PDE8B: variants seen among roughly 807,000 people sequenced by gnomAD.
The protein encoded by PDE8B is high affinity cAMP-specific and IBMX-insensitive 3',5'-cyclic phosphodiesterase 8B.
In PDE8B, 26 loss-of-function variants were observed where a neutral mutation model predicts 101.3. The ratio of observed to expected loss-of-function variants is 0.26; its 90% CI spans 0.19 to 0.36. The LOEUF (loss-of-function observed/expected upper bound fraction) is 0.36, where lower values mean the gene tolerates loss of function less well. PDE8B is among the 10% of genes least tolerant of loss of function. The pLI, the probability that PDE8B is intolerant of heterozygous loss-of-function variation, is 1.00. For missense variants in PDE8B, 810 were observed against 1,163.1 expected, an observed-to-expected ratio of 0.70 and a Z score of 4.42; for synonymous variants, 424 against 429.3, an observed-to-expected ratio of 0.99 and a Z score of 0.15.
the PDE8B span, among the ~76,000 whole-genome samples, chr5:77,110,798 C>T: frequency 6.6e-6 from 1 of 152,204 alleles, no homozygotes; most frequent in Non-Finnish European, 1.5e-5. Flanking sequence ...TGATCCCCTT[C>T]CACTAGGCCA....
the PDE8B span, among the ~76,000 whole-genome samples, chr5:77,162,872 C>T: frequency 1.3e-5 from 2 of 152,080 alleles, no homozygotes; most frequent in African/African-American, 2.4e-5. Context: ...CTGTAGGTGG[C>T]CCCCAAATAA....
chr5:77,321,809 T>C (rs1359071241), intron 2 of PDE8B, among the ~76,000 whole-genome samples: 1 of 152,224 alleles, frequency 6.6e-6, no homozygotes, highest in African/African-American at 2.4e-5. Context: ...CTCTCCTGAG[T>C]GCCTTACCAT....
the PDE8B span, among the ~76,000 whole-genome samples, chr5:77,100,965 CTTT>C: frequency 0.22 from 27,007 of 123,766 alleles, 2,964 homozygotes; most frequent in Admixed American, 0.32. Flanking sequence ...ATTTTTTTTC[CTTT>C]TTTTTTTTTT....
chr5:77,245,628 G>A (rs1334655446), intron 1 of PDE8B, among the ~76,000 whole-genome samples: 2 of 152,144 alleles, frequency 1.3e-5, no homozygotes, highest in African/African-American at 4.8e-5. Context: ...GCTTGTGTGT[G>A]TGTGCACATG....
intron 5 of PDE8B, among the ~76,000 whole-genome samples, chr5:77,335,807 T>A (rs747891477): frequency 7.2e-5 from 11 of 152,178 alleles, no homozygotes; most frequent in Non-Finnish European, 1.3e-4. Flanking sequence ...GTTTTTTTAA[T>A]CAATTAAAAT....
chr5:77,426,135 T>G, intron 21 of PDE8B: 1 of 600,684 alleles, frequency 1.7e-6, no homozygotes, highest in Non-Finnish European at 3.0e-6. Flanking sequence ...CTCTGCCTCT[T>G]CAAAGGACAC....
chr5:77,210,545 T>C (rs1453706573), upstream of PDE8B: 45 of 834,296 alleles, frequency 5.4e-5, no homozygotes, highest in East Asian at 1.4e-4. The surrounding 1 kb of genome is among the most constrained non-coding windows in gnomAD (Gnocchi z 4.9). Context: ...GGGCCGCGGG[T>C]GCGGGAGCCC....
intron 10 of PDE8B, among the ~76,000 whole-genome samples, chr5:77,370,720 T>G (rs1784935687): frequency 6.6e-6 from 1 of 152,238 alleles, no homozygotes; most frequent in Non-Finnish European, 1.5e-5. Context: ...TGTTTACTTT[T>G]GTAAGAAACT....
At chr5:77,393,393 CAAA>C (rs55783030) in intron 10 of PDE8B, among the ~76,000 whole-genome samples, 10 of 138,774 alleles carry the variant, frequency 7.2e-5, no homozygotes, top group South Asian at 2.3e-4. Flanking sequence ...AGACTGTCTC[CAAA>C]AAAAAAAAAA....
At chr5:77,124,708 A>G in the PDE8B span, among the ~76,000 whole-genome samples, 21 of 152,212 alleles carry the variant, frequency 1.4e-4, no homozygotes, top group African/African-American at 4.3e-4. Context: ...TGATAAAAAT[A>G]CAACATCCAA....
In PDE8B at chr5:77,374,729, T is replaced by G. The variant is rs554077200; in HGVS notation, c.1167+21323T>G. On this transcript the variant is annotated intron_variant, in intron 10 of 21. Transcript: ENST00000264917. ...TGTTTTTGCCTTAAATGCATGTGTT[T>G]TAAAGAAATTAAGAGAAAATTTAAT... Among the ~76,000 whole-genome samples the G allele has an allele frequency of 1.9e-3, 292 of 152,368 alleles. 2 individuals carry two copies. The highest frequency in any genetic ancestry group is 6.8e-3 in the African/African-American group (281 of 41,588).
chr5:77,399,363 T>C (rs1179919435), intron 10 of PDE8B, among the ~76,000 whole-genome samples: 1 of 152,252 alleles, frequency 6.6e-6, no homozygotes, highest in Non-Finnish European at 1.5e-5. Context: ...TTTCTGGCTA[T>C]TACAGTTGAT....
At chr5:77,150,464 C>A in the PDE8B span, among the ~76,000 whole-genome samples, 1 of 152,296 alleles carries the variant, frequency 6.6e-6, no homozygotes, top group South Asian at 2.1e-4. Flanking sequence ...AAGACTACTT[C>A]CCTCTAAATG....
In PDE8B at chr5:77,210,728, A is replaced by G; in HGVS notation, c.-198A>G. ...GGGAGGAAGATGGCCCAAAAGGGAAAGTTGGGGTGACGCGCGCGGTCCCCG... is the reference window on the plus strand; with the variant it reads ...GGGAGGAAGATGGCCCAAAAGGGAAGGTTGGGGTGACGCGCGCGGTCCCCG... On this transcript the variant is annotated 5_prime_UTR_variant, in exon 1 of 22. Transcript: ENST00000264917. The surrounding 1 kb of genome is among the most constrained non-coding windows in gnomAD (Gnocchi z 4.9). 1 of 980,650 alleles carries G rather than the reference A, an allele frequency of 1.0e-6. No individual in the cohort carries two copies. The highest frequency in any genetic ancestry group is 1.2e-6 in the Non-Finnish European group (1 of 828,082). 60.7% of individuals were successfully genotyped at this position (980,650 alleles called of 1,614,324 possible). A position where few individuals can be genotyped will look rare whatever the true frequency, so the allele number is the denominator to read the frequency against.
intron 1 of PDE8B, among the ~76,000 whole-genome samples, chr5:77,247,844 G>T (rs1757287624): frequency 6.6e-6 from 1 of 152,134 alleles, no homozygotes; most frequent in South Asian, 2.1e-4. Flanking sequence ...ACCCTTGGCT[G>T]CCTCATCCCC....
intron 1 of PDE8B, among the ~76,000 whole-genome samples, chr5:77,245,833 A>ACCCCCCC (rs1561407118): frequency 4.2e-5 from 1 of 23,840 alleles, no homozygotes; most frequent in Non-Finnish European, 6.9e-5. Flanking sequence ...CTCTCCTATA[A>ACCCCCCC]CCTCCTCCCC....
intron 1 of PDE8B, among the ~76,000 whole-genome samples, chr5:77,234,856 T>C (rs1754350738): frequency 6.6e-6 from 1 of 152,234 alleles, no homozygotes; most frequent in African/African-American, 2.4e-5. Context: ...TTCTCGTTCA[T>C]TTAATGGGAT....
chr5:77,132,229 G>C, the PDE8B span, among the ~76,000 whole-genome samples: 518 of 152,138 alleles, frequency 3.4e-3, 4 homozygotes, highest in African/African-American at 0.011. Context: ...AATAGAACAA[G>C]CCCATGTCCC....
In PDE8B at chr5:77,286,801, T is replaced by C. The variant is rs74622028; in HGVS notation, c.340-25193T>C. ...TCTTGATTTCTATCCATTTAAATAT[T>C]TTCCATTTCCTCCCCTTTTAGCTTA... On this transcript the variant is annotated intron_variant, in intron 1 of 21. Coordinates refer to ENST00000264917, the MANE Select transcript of PDE8B (RefSeq NM_003719.5). Among the ~76,000 whole-genome samples the C allele has an allele frequency of 6.4e-3, 981 of 152,340 alleles. 5 individuals carry two copies. The highest frequency in any genetic ancestry group is 0.01 in the Non-Finnish European group (713 of 68,036).
Sources: allele counts gnomAD v4.1 joint callset (sites outside exome capture counted in the v4.1 genomes callset), GRCh38; gene constraint gnomAD v4.1.1; non-coding constraint Gnocchi (gnomAD v3.1); transcripts MANE v1.5; gene names NCBI Gene and HGNC (gene_info 2026-07-23, HGNC 2026-07-21).